The following NINL variants were observed in gnomAD, a reference collection of about 807,000 sequenced individuals.
NINL encodes the protein ninein like, also known as ninein-like protein.
In NINL, 153 loss-of-function variants were observed where a neutral mutation model predicts 160.3. That is an observed-to-expected ratio of 0.95 (90% CI 0.84 to 1.09). The LOEUF (loss-of-function observed/expected upper bound fraction) is 1.09. NINL is among the 50% of genes least tolerant of loss of function. NINL has a pLI of 0.00. For missense variants in NINL, 1,829 were observed against 1,764.0 expected (o/e 1.04, Z -0.66); for synonymous variants, 800 against 734.8 (o/e 1.09, Z -1.43).
intron 22 of NINL, among the ~76,000 whole-genome samples, chr20:25,457,313 ACT>A (rs1426154551): frequency 1.3e-5 from 2 of 151,838 alleles, no homozygotes; most frequent in African/African-American, 2.4e-5. Context: ...ACAGAGTCAG[ACT>A]CTGTCTCAAA....
chr20:25,454,346 C>T (rs900601746), intron 23 of NINL, among the ~76,000 whole-genome samples: 3 of 152,144 alleles, frequency 2.0e-5, no homozygotes, highest in East Asian at 1.9e-4. Context: ...AGTACTGAGG[C>T]CCTGGGCTGT....
chr20:25,480,650 G>A (rs775149993), intron 14 of NINL, among the ~76,000 whole-genome samples: 47 of 152,310 alleles, frequency 3.1e-4, no homozygotes, highest in Admixed American at 1.2e-3. Flanking sequence ...ATGATGTGCC[G>A]ATGACCACAG....
rs1455747900 is a variant in NINL, at chr20:25,504,821, C to T, written c.708+67G>A. On this transcript the variant is annotated intron_variant, in intron 6 of 23. Coordinates refer to ENST00000278886, the MANE Select transcript of NINL (RefSeq NM_025176.6). ...AGTGGCTGAAGGGTAGAGGGGTTTCCAGACCCAACACTAAACCGTGACCAT... is the reference window on the plus strand; with the variant it reads ...AGTGGCTGAAGGGTAGAGGGGTTTCTAGACCCAACACTAAACCGTGACCAT... The T allele has an allele frequency of 3.9e-6, 6 of 1,552,926 alleles. No homozygotes were observed. The East Asian group carries it at 1.3e-4, about 35-fold the overall frequency.
chr20:25,524,428 C>T (rs1428983615), intron 2 of NINL, among the ~76,000 whole-genome samples: 1 of 152,154 alleles, frequency 6.6e-6, no homozygotes, highest in African/African-American at 2.4e-5. Flanking sequence ...CTGGGACAGA[C>T]GGAAGGACGA....
chr20:25,475,580 T>C (rs989631537), intron 17 of NINL, among the ~76,000 whole-genome samples: 6 of 152,196 alleles, frequency 3.9e-5, no homozygotes, highest in African/African-American at 1.4e-4. Flanking sequence ...GAAAAATCTT[T>C]GGAAGCGAGG....
chr20:25,455,417 G>A (rs2090643309), intron 23 of NINL, among the ~76,000 whole-genome samples: 1 of 152,222 alleles, frequency 6.6e-6, no homozygotes, highest in African/African-American at 2.4e-5. Context: ...GGTGCTTGGG[G>A]ATGCCTGAAT....
At position 25,461,504 on chromosome 20, in the gene NINL, G is replaced by A; in HGVS notation, c.3696+18C>T. The A allele has an allele frequency of 6.8e-7, 1 of 1,469,914 alleles. No homozygotes were observed. Among genetic ancestry groups the A allele is most frequent in the Non-Finnish European group, 9.2e-7 (1 of 1,087,348 alleles). The allele number at this position is 1,469,914 out of a possible 1,614,324, so 91.1% of individuals were successfully genotyped here. The stretch of plus-strand genomic sequence containing the variant: ...GGTGGGACTGGACCCAGTGCCTCCA[G>A]CCATCGCTCACACCCACCTGGTCTT... On this transcript the variant is annotated intron_variant, in intron 21 of 23. Transcript: ENST00000278886.
chr20:25,512,796 A>C (rs748659060), intron 4 of NINL, 38 bp downstream of exon 4: 16 of 1,573,846 alleles, frequency 1.0e-5, no homozygotes, highest in Non-Finnish European at 1.1e-5. Context: ...GTTATTCCCA[A>C]CACTGGGCAG....
chr20:25,477,739 C>T (rs1448781368), intron 16 of NINL, among the ~76,000 whole-genome samples: 1 of 152,174 alleles, frequency 6.6e-6, no homozygotes, highest in East Asian at 1.9e-4. Context: ...GAGCAGGCTG[C>T]TAGAGACAGC....
intron 1 of NINL, among the ~76,000 whole-genome samples, chr20:25,562,045 C>T (rs1407900455): frequency 6.9e-6 from 1 of 145,768 alleles, no homozygotes; most frequent in African/African-American, 2.6e-5. Flanking sequence ...CCCCTCTGCC[C>T]GGCCAGCCGC....
chr20:25,573,114 T>C (rs1431553991), intron 1 of NINL, among the ~76,000 whole-genome samples: 1 of 152,024 alleles, frequency 6.6e-6, no homozygotes, highest in Non-Finnish European at 1.5e-5. Context: ...CTGGCCAACA[T>C]GGTGAAACCC....
chr20:25,471,988 CTAAAAA>C (rs1487901154), intron 17 of NINL, among the ~76,000 whole-genome samples: 1 of 151,930 alleles, frequency 6.6e-6, no homozygotes, highest in Non-Finnish European at 1.5e-5. Context: ...TAGACACAAA[CTAAAAA>C]TAAGTGTTAT....
intron 1 of NINL, among the ~76,000 whole-genome samples, chr20:25,583,746 T>A (rs962998798): frequency 1.3e-5 from 2 of 152,152 alleles, no homozygotes; most frequent in East Asian, 3.8e-4. Context: ...ACGGATAGAC[T>A]GAATAAAGAA....
At chr20:25,511,345 G>C (rs939321114) in intron 4 of NINL, among the ~76,000 whole-genome samples, 3 of 152,152 alleles carry the variant, frequency 2.0e-5, no homozygotes, top group Non-Finnish European at 4.4e-5. Context: ...CCCAAGACAA[G>C]AGCCCGGGCC....
intron 1 of NINL, among the ~76,000 whole-genome samples, chr20:25,584,718 G>A (rs2065208621): frequency 6.6e-6 from 1 of 152,034 alleles, no homozygotes; most frequent in African/African-American, 2.4e-5. Context: ...AGAAAGAAAC[G>A]TGGCCACCCT....
At chr20:25,509,824 TA>T in intron 5 of NINL, 1 of 413,722 alleles carries the variant, frequency 2.4e-6, no homozygotes, top group Non-Finnish European at 4.7e-6. Context: ...GTTTGCTTTT[TA>T]ATGTCAAGGA....
chr20:25,525,821 C>A (rs915008564), intron 2 of NINL, among the ~76,000 whole-genome samples: 1 of 152,094 alleles, frequency 6.6e-6, no homozygotes, highest in Non-Finnish European at 1.5e-5. Flanking sequence ...AAGCAGGTTG[C>A]AGTCTAGGAC....
At chr20:25,515,732 C>T (rs933990575) in intron 3 of NINL, among the ~76,000 whole-genome samples, 3 of 151,932 alleles carry the variant, frequency 2.0e-5, no homozygotes, top group African/African-American at 7.3e-5. Context: ...TGAGTGAGTT[C>T]TCATGAGATC....
chr20:25,551,501 C>A (rs1192554914), intron 1 of NINL, among the ~76,000 whole-genome samples: 1 of 152,132 alleles, frequency 6.6e-6, no homozygotes, highest in Non-Finnish European at 1.5e-5. Context: ...TCTCTATCAG[C>A]AGAGGTTTAT....
Sources: allele counts gnomAD v4.1 joint callset (sites outside exome capture counted in the v4.1 genomes callset), GRCh38; gene constraint gnomAD v4.1.1; transcripts MANE v1.5; gene names NCBI Gene and HGNC (gene_info 2026-07-23, HGNC 2026-07-21).